The following SYN3 variants were observed in gnomAD, a reference collection of about 807,000 sequenced individuals.
The protein encoded by SYN3 is synapsin-3.
SYN3 carries 35 observed loss-of-function variants against 65.8 expected under a neutral mutation model. That is an observed-to-expected ratio of 0.53 (90% CI 0.41 to 0.70). SYN3 has a LOEUF of 0.70. Ranked by LOEUF, SYN3 falls within the 30% of genes least tolerant of loss-of-function variation. SYN3 has a pLI of 0.00. For synonymous variants in SYN3, 270 were observed against 292.9 expected (o/e 0.92, Z 0.80); for missense variants, 680 against 749.0 (o/e 0.91, Z 1.08).
At chr22:32,653,332 C>G (rs2060099481) in intron 6 of SYN3, among the ~76,000 whole-genome samples, 1 of 151,558 alleles carries the variant, frequency 6.6e-6, no homozygotes, top group African/African-American at 2.4e-5. Flanking sequence ...TTATCAATGG[C>G]AAAATCACGG....
chr22:32,543,673 A>G (rs1329649616), intron 7 of SYN3, among the ~76,000 whole-genome samples: 1 of 152,024 alleles, frequency 6.6e-6, no homozygotes, highest in Non-Finnish European at 1.5e-5. Context: ...CCTCAGCCAG[A>G]GATTACTTTG....
At chr22:33,016,388 A>ATGT (rs2053467632) in intron 1 of SYN3, among the ~76,000 whole-genome samples, 1 of 152,194 alleles carries the variant, frequency 6.6e-6, no homozygotes, top group Non-Finnish European at 1.5e-5. Flanking sequence ...TCCATTATTA[A>ATGT]TGTTGCTGCT....
Position 32,820,279 on chromosome 22 carries a change from TGTGTGTGTG to T in SYN3, c.711+44627_711+44635del, listed in dbSNP as rs1231256527. Among the ~76,000 whole-genome samples the T allele has an allele frequency of 4.2e-4, 63 of 151,126 alleles. 1 individual carries two copies. Among genetic ancestry groups the T allele is most frequent in the South Asian group, 3.0e-3 (14 of 4,730 alleles). On this transcript the variant is annotated intron_variant, in intron 6 of 13. Coordinates refer to ENST00000358763, the MANE Select transcript of SYN3 (RefSeq NM_003490.4). ...GTGTGTGTGCGTGCGCGTGTGTGTG[TGTGTGTGTG>T]GTGTGTGTGGTGTGTGTTCTACTCC...
At chr22:32,701,258 G>C (rs2060806646) in intron 6 of SYN3, among the ~76,000 whole-genome samples, 1 of 152,148 alleles carries the variant, frequency 6.6e-6, no homozygotes, top group Non-Finnish European at 1.5e-5. Context: ...ATAATTAGCT[G>C]TTACAGAAAC....
At chr22:32,817,887 C>T (rs972313572) in intron 6 of SYN3, among the ~76,000 whole-genome samples, 2 of 152,164 alleles carry the variant, frequency 1.3e-5, no homozygotes, top group Admixed American at 6.5e-5. Flanking sequence ...GTCCCCTGGT[C>T]GTCTGGGCCA....
At chr22:32,523,989 A>C (rs1476231933) in intron 12 of SYN3, among the ~76,000 whole-genome samples, 1 of 152,272 alleles carries the variant, frequency 6.6e-6, no homozygotes, top group Admixed American at 6.5e-5. Flanking sequence ...CTTAAGCCAA[A>C]GCCTAATCCA....
intron 4 of SYN3, among the ~76,000 whole-genome samples, chr22:32,890,118 G>A (rs182516756): frequency 7.6e-4 from 71 of 93,428 alleles, no homozygotes; most frequent in Non-Finnish European, 3.6e-4. Flanking sequence ...TTACTCTGTT[G>A]CCAAAGCTGG....
intron 6 of SYN3, among the ~76,000 whole-genome samples, chr22:32,767,034 C>A (rs1485007038): frequency 6.6e-6 from 1 of 152,198 alleles, no homozygotes; most frequent in African/African-American, 2.4e-5. Flanking sequence ...CCTTCCAAAT[C>A]CAAATCAGTT....
Position 32,782,672 on chromosome 22 carries a change from C to T in SYN3, c.711+82243G>A, listed in dbSNP as rs150586219. Among the ~76,000 whole-genome samples the T allele has an allele frequency of 1.9e-3, 296 of 152,178 alleles. 3 individuals are homozygous for T. The highest frequency in any genetic ancestry group is 6.3e-3 in the African/African-American group (262 of 41,528). On this transcript the variant is annotated intron_variant, in intron 6 of 13. Coordinates refer to ENST00000358763, the MANE Select transcript of SYN3 (RefSeq NM_003490.4). ...AGCTGGGACCACAGGCGCACACCAC[C>T]ACAGCCGGCTAATTTTTTGTATTTT...
chr22:32,976,544 T>C (rs571404518), intron 3 of SYN3, among the ~76,000 whole-genome samples: 84 of 152,248 alleles, frequency 5.5e-4, no homozygotes, highest in African/African-American at 2.0e-3. Flanking sequence ...GGGTGACTTG[T>C]GCCTGTGGAG....
intron 3 of SYN3, among the ~76,000 whole-genome samples, chr22:32,946,467 T>C (rs2051114477): frequency 6.8e-6 from 1 of 147,072 alleles, no homozygotes; most frequent in African/African-American, 2.5e-5. Context: ...CCGCATGTTC[T>C]CACTCATAGG....
chr22:32,985,697 T>C (rs889581683), intron 2 of SYN3, among the ~76,000 whole-genome samples: 7 of 152,138 alleles, frequency 4.6e-5, no homozygotes, highest in African/African-American at 1.7e-4. Flanking sequence ...CTTCATGATC[T>C]GGACCCTGCT....
intron 7 of SYN3, among the ~76,000 whole-genome samples, chr22:32,580,373 T>C (rs1172295383): frequency 2.0e-5 from 3 of 152,206 alleles, no homozygotes; most frequent in Non-Finnish European, 4.4e-5. Flanking sequence ...CAGCAGGACA[T>C]ATTGAGAGGG....
chr22:32,908,689 A>G (rs1174015910), intron 4 of SYN3, among the ~76,000 whole-genome samples: 1 of 152,178 alleles, frequency 6.6e-6, no homozygotes, highest in Non-Finnish European at 1.5e-5. Flanking sequence ...GTGTCATGCC[A>G]TAATGATAGA....
intron 7 of SYN3, among the ~76,000 whole-genome samples, chr22:32,588,990 T>C (rs376250019): frequency 7.9e-5 from 12 of 152,314 alleles, no homozygotes; most frequent in Admixed American, 2.0e-4. Flanking sequence ...ACCCCTTTTC[T>C]AGAAATTTCT....
At chr22:32,836,607 T>A (rs2047736202) in intron 6 of SYN3, among the ~76,000 whole-genome samples, 1 of 152,216 alleles carries the variant, frequency 6.6e-6, no homozygotes, top group Non-Finnish European at 1.5e-5. Context: ...TGAAGACCTA[T>A]GTATGGGCTC....
At chr22:32,569,400 A>AATCTATCTATCTATCT (rs60525962) in intron 7 of SYN3, among the ~76,000 whole-genome samples, 50 of 144,056 alleles carry the variant, frequency 3.5e-4, no homozygotes, top group Non-Finnish European at 4.7e-4. Flanking sequence ...CTCCATCCAA[A>AATCTATCTATCTATCT]ATCTATCTAT....
intron 1 of SYN3, among the ~76,000 whole-genome samples, 152 bp downstream of exon 1, chr22:33,058,140 C>A (rs2054283639): frequency 6.6e-6 from 1 of 152,126 alleles, no homozygotes; most frequent in African/African-American, 2.4e-5. Context: ...TCCCTCCCTG[C>A]CCCTCCGTGC....
chr22:33,051,707 T>TC (rs2054170223), intron 1 of SYN3, among the ~76,000 whole-genome samples: 1 of 151,210 alleles, frequency 6.6e-6, no homozygotes, highest in African/African-American at 2.4e-5. Context: ...GACCCAAAGG[T>TC]CCCCCCAAAT....
Sources: allele counts gnomAD v4.1 joint callset (sites outside exome capture counted in the v4.1 genomes callset), GRCh38; gene constraint gnomAD v4.1.1; transcripts MANE v1.5; gene names NCBI Gene and HGNC (gene_info 2026-07-23, HGNC 2026-07-21).